The following DNAJC10 variants were observed in gnomAD, a reference collection of about 807,000 sequenced individuals.
The protein encoded by DNAJC10 is endoplasmic reticulum disulfide reductase DNAJC10.
A neutral mutation model predicts 115.0 loss-of-function variants in DNAJC10; 101 were observed. The ratio of observed to expected loss-of-function variants is 0.88; its 90% CI spans 0.75 to 1.04. The LOEUF (loss-of-function observed/expected upper bound fraction) is 1.04. DNAJC10 is among the 50% of genes least tolerant of loss of function. DNAJC10 has a pLI of 0.00. For missense variants in DNAJC10, 981 were observed against 928.8 expected (o/e 1.06, Z -0.73); for synonymous variants, 307 against 301.5 (o/e 1.02, Z -0.19).
chr2:182,774,715 A>G (rs920650969), intron 22 of DNAJC10, among the ~76,000 whole-genome samples: 1 of 152,172 alleles, frequency 6.6e-6, no homozygotes, highest in Non-Finnish European at 1.5e-5. Context: ...AAAGTGCAGT[A>G]TTTGGGCGAG....
In DNAJC10 at chr2:182,777,990, G is replaced by A. The variant is rs190160806; in HGVS notation, c.*858G>A. 2.0e-5 allele frequency: 3 copies of A among 152,258 alleles called. No individual in the cohort carries two copies. In the East Asian group the frequency reaches 5.8e-4, roughly 29 times the overall value. 9.4% of individuals were successfully genotyped at this position (152,258 alleles called of 1,614,324 possible). A position where few individuals can be genotyped will look rare whatever the true frequency, so the allele number is the denominator to read the frequency against. On this transcript the variant is annotated 3_prime_UTR_variant, in exon 24 of 24. Transcript: ENST00000264065. ...CTAAATATGTTATCAAGTATTTAGA[G>A]TTCTATATTTTAAAGATATATGTGT...
At position 182,755,017 on chromosome 2, in the gene DNAJC10, T is replaced by G. The variant is rs1694120625; in HGVS notation, c.1566T>G (p.Ala522=). 6.3e-7 allele frequency: 1 copy of G among 1,598,328 alleles called. No homozygotes were observed. Among genetic ancestry groups the G allele is most frequent in the Non-Finnish European group, 8.6e-7 (1 of 1,165,980 alleles). Residue 522 remains alanine (A), a synonymous_variant, in exon 17 of 24, where the codon GCT becomes GCG. Coordinates refer to ENST00000264065, the MANE Select transcript of DNAJC10 (RefSeq NM_018981.4). Reference sequence around the variant, plus strand: ...CTTCCTATCAGTATAACATTCAGGCTTATCCAACAACAGTGGTATTCAACC... The same window carrying G: ...CTTCCTATCAGTATAACATTCAGGCGTATCCAACAACAGTGGTATTCAACC... ...EGLCNMYNIQ[A]YPTTVVFNQS... is the part of the protein sequence containing the mutation.
rs567808107 is a variant in DNAJC10, at chr2:182,776,312, C to G, written c.2371-809C>G. Among the ~76,000 whole-genome samples the G allele has an allele frequency of 3.9e-5, 6 of 152,014 alleles. No individual in the cohort carries two copies. In the South Asian group the frequency reaches 1.0e-3, roughly 26 times the overall value. On this transcript the variant is annotated intron_variant, in intron 23 of 23. Coordinates refer to ENST00000264065, the MANE Select transcript of DNAJC10 (RefSeq NM_018981.4). The stretch of plus-strand genomic sequence containing the variant: ...TATTGAAACCCATATTTGTGTTGGC[C>G]CCTCTTTGAATCTTTAATCTGTCAA...
In DNAJC10 at chr2:182,759,212, G is replaced by T; in HGVS notation, c.2050G>T (p.Val684Phe). The change falls in exon 21 of 24, where the codon GTT becomes TTT. Residue 684 changes from valine (V) to phenylalanine (F), a missense_variant. Physicochemically the swap from Val to Phe is conservative, Grantham distance 50. Transcript: ENST00000264065. ...DLTPQTFSEK[V>F]LQGKNHWVID... ...AACACCTCAGACTTTCAGTGAAAAA[G>T]TTCTACAAGGGAAAAATCATTGGGT... The T allele has an allele frequency of 5.0e-6, 8 of 1,609,096 alleles. No individual in the cohort carries two copies. The highest frequency in any genetic ancestry group is 6.8e-6 in the Non-Finnish European group (8 of 1,178,892).
intron 14 of DNAJC10, among the ~76,000 whole-genome samples, chr2:182,749,700 A>G (rs530528988): frequency 1.3e-5 from 2 of 152,338 alleles, no homozygotes; most frequent in South Asian, 2.1e-4. Context: ...TTTATGGACA[A>G]GTTTTTAAAA....
chr2:182,783,314 C>CTTTTAGGGGG lies in DNAJC10; in HGVS notation c.*6183_*6184insTTTAGGGGGT, dbSNP rs1694888581. The stretch of plus-strand genomic sequence containing the variant: ...ATATTACCAAGCGGTAAAACATTAG[C>CTTTTAGGGGG]TAACTAAAACATGGTTCTGAAGCCA... On this transcript the variant is annotated 3_prime_UTR_variant, in exon 24 of 24. Transcript: ENST00000264065. 1 of 152,098 alleles carries CTTTTAGGGGG rather than the reference C, an allele frequency of 6.6e-6. No homozygotes were observed. Among genetic ancestry groups the CTTTTAGGGGG allele is most frequent in the Admixed American group, 6.6e-5 (1 of 15,262 alleles). The allele number at this position is 152,098 out of a possible 1,614,324, so 9.4% of individuals were successfully genotyped here. A position where few individuals can be genotyped will look rare whatever the true frequency, so the allele number is the denominator to read the frequency against.
chr2:182,755,187 G>T, intron 17 of DNAJC10, 83 bp downstream of exon 17: 2 of 835,360 alleles, frequency 2.4e-6, no homozygotes, highest in Non-Finnish European at 2.0e-6. Context: ...TTGTTTAATA[G>T]GATTTACTCT....
rs288298 is a variant in DNAJC10 at position 182,793,140 on chromosome 2, A to G, written c.*16008A>G. 0.18 allele frequency: 27,617 copies of G among 152,212 alleles called. 5,799 individuals are homozygous for G. The highest frequency in any genetic ancestry group is 0.51 in the African/African-American group (21,249 of 41,358). 9.4% of individuals were successfully genotyped at this position (152,212 alleles called of 1,614,324 possible). On this transcript the variant is annotated 3_prime_UTR_variant, in exon 24 of 24. Coordinates refer to ENST00000264065, the MANE Select transcript of DNAJC10 (RefSeq NM_018981.4). ...TGGGCTGAGGGTAGAGCATATGAAC[A>G]GAGAGAAAGGCCAGAGGACAGGCTC...
chr2:182,726,791 G>T (rs1693296053), intron 5 of DNAJC10, among the ~76,000 whole-genome samples: 1 of 152,196 alleles, frequency 6.6e-6, no homozygotes, highest in African/African-American at 2.4e-5. Context: ...GAGTGCAGCA[G>T]CAGGATCATA....
intron 22 of DNAJC10, among the ~76,000 whole-genome samples, chr2:182,764,230 GT>G (rs1292598604): frequency 1.3e-5 from 2 of 152,088 alleles, no homozygotes; most frequent in Non-Finnish European, 2.9e-5. Flanking sequence ...GGCTTCAAGG[GT>G]CTCTAAGTGA....
intron 19 of DNAJC10, among the ~76,000 whole-genome samples, chr2:182,758,059 T>C (rs1389066807): frequency 6.6e-6 from 1 of 152,162 alleles, no homozygotes; most frequent in Non-Finnish European, 1.5e-5. Flanking sequence ...AGAGCTAACA[T>C]TTATTAAGTC....
At position 182,759,189 on chromosome 2, in the gene DNAJC10, C is replaced by T. The variant is rs372508150; in HGVS notation, c.2027C>T (p.Thr676Ile). ...GFLPQVSTDL[T>I]PQTFSEKVLQ... ...TTACCTCAAGTATCCACAGATCTAACACCTCAGACTTTCAGTGAAAAAGTT... is the reference window on the plus strand; with the variant it reads ...TTACCTCAAGTATCCACAGATCTAATACCTCAGACTTTCAGTGAAAAAGTT... Residue 676 changes from threonine (T) to isoleucine (I), a missense_variant, in exon 21 of 24, where the codon ACA (threonine) becomes ATA (isoleucine). By Grantham distance (89) the Thr-to-Ile change is moderately conservative (BLOSUM62 -1). Coordinates refer to ENST00000264065, the MANE Select transcript of DNAJC10 (RefSeq NM_018981.4). 3.3e-5 allele frequency: 53 copies of T among 1,601,394 alleles called. No individual in the cohort carries two copies. The African/African-American group carries it at 6.2e-4, about 19-fold the overall frequency.
intron 23 of DNAJC10, among the ~76,000 whole-genome samples, chr2:182,776,225 C>T (rs1396867397): frequency 6.6e-6 from 1 of 151,908 alleles, no homozygotes; most frequent in Non-Finnish European, 1.5e-5. Flanking sequence ...AATAAATATA[C>T]TGGAGCCTCA....
chr2:182,730,639 A>AT, intron 8 of DNAJC10: 1 of 430,368 alleles, frequency 2.3e-6, no homozygotes, highest in Non-Finnish European at 4.6e-6. Context: ...ATGAAAATGA[A>AT]TAGGAAGCCT....
At position 182,751,697 on chromosome 2, in the gene DNAJC10, A is replaced by C; in HGVS notation, c.1346A>C (p.Glu449Ala). The C allele has an allele frequency of 6.2e-7, 1 of 1,613,978 alleles. No individual in the cohort carries two copies. The highest frequency in any genetic ancestry group is 1.3e-5 in the African/African-American group (1 of 75,060). ...ILYDILAFAK[E>A]SVNSHVTTLG... ...TATGATATACTTGCCTTTGCCAAAG[A>C]AAGTGTGAATTCTCATGTTACCACG... The change falls in exon 15 of 24, where the codon GAA becomes GCA. Residue 449 changes from glutamate (E) to alanine (A), a missense_variant. Physicochemically the swap from Glu to Ala is moderately radical, Grantham distance 107. Coordinates refer to ENST00000264065, the MANE Select transcript of DNAJC10 (RefSeq NM_018981.4).
At chr2:182,764,457 G>A (rs1331255269) in intron 22 of DNAJC10, among the ~76,000 whole-genome samples, 2 of 152,074 alleles carry the variant, frequency 1.3e-5, no homozygotes, top group Non-Finnish European at 2.9e-5. Flanking sequence ...TTCTAAATAG[G>A]TGCAGGGTGG....
Position 182,793,820 on chromosome 2 carries a change from T to TCTCA in DNAJC10, c.*16689_*16690insTCAC, listed in dbSNP as rs1695094347. 4.4e-5 allele frequency: 6 copies of TCTCA among 135,718 alleles called. No homozygotes were observed. Among genetic ancestry groups the TCTCA allele is most frequent in the African/African-American group, 8.7e-5 (3 of 34,524 alleles). The allele number at this position is 135,718 out of a possible 1,614,324, so 8.4% of individuals were successfully genotyped here. On this transcript the variant is annotated 3_prime_UTR_variant, in exon 24 of 24. Transcript: ENST00000264065. ...TAAAATTTTCCAGAGAGGAAACACA[T>TCTCA]CACACACACACACACACACACACAC...
Position 182,716,259 on chromosome 2 carries a change from C to G in DNAJC10, c.-428C>G, listed in dbSNP as rs528051659. On this transcript the variant is annotated 5_prime_UTR_variant, in exon 1 of 24. Coordinates refer to ENST00000264065, the MANE Select transcript of DNAJC10 (RefSeq NM_018981.4). ...CAATGCTCCGCGCCAGGCCCCGCCC[C>G]GGCTCGCCGTGGAGACCGGCGCGTG... 1 of 152,414 alleles carries G rather than the reference C, an allele frequency of 6.6e-6. No individual in the cohort carries two copies. The highest frequency in any genetic ancestry group is 1.9e-4 in the East Asian group (1 of 5,186). 9.4% of individuals were successfully genotyped at this position (152,414 alleles called of 1,614,324 possible).
rs1366738101 is a variant in DNAJC10 at position 182,779,950 on chromosome 2, C to CAGAT, written c.*2823_*2826dup. 2 of 152,092 alleles carry CAGAT rather than the reference C, an allele frequency of 1.3e-5. No individual in the cohort carries two copies. The highest frequency in any genetic ancestry group is 4.8e-5 in the African/African-American group (2 of 41,456). The allele number at this position is 152,092 out of a possible 1,614,324, so 9.4% of individuals were successfully genotyped here. Reference sequence around the variant, plus strand: ...TAGTCCTTAAATCTGCCAACAAAACCAGATAGATGTCTTAAAGTAGGCACA... The same window carrying CAGAT: ...TAGTCCTTAAATCTGCCAACAAAACCAGATAGATAGATGTCTTAAAGTAGGCACA... On this transcript the variant is annotated 3_prime_UTR_variant, in exon 24 of 24. Coordinates refer to ENST00000264065, the MANE Select transcript of DNAJC10 (RefSeq NM_018981.4).
Sources: gnomAD v4.1 joint callset for allele counts (sites outside exome capture counted in the v4.1 genomes callset) on GRCh38, gnomAD v4.1.1 for gene constraint, MANE v1.5 for transcripts, NCBI Gene and HGNC (gene_info 2026-07-23, HGNC 2026-07-21) for gene names.